EDIL3: variants seen among roughly 807,000 people sequenced by gnomAD.
EDIL3 encodes EGF like and discoidin domains 3.
In EDIL3, 37 loss-of-function variants were observed where a neutral mutation model predicts 67.4. The ratio of observed to expected loss-of-function variants is 0.55; its 90% CI spans 0.42 to 0.72. The LOEUF is 0.72. EDIL3 is among the 30% of genes least tolerant of loss of function. EDIL3 has a pLI of 0.00. For synonymous variants in EDIL3, 195 were observed against 196.3 expected, an observed-to-expected ratio of 0.99 and a Z score of 0.05; for missense variants, 527 against 586.3, an observed-to-expected ratio of 0.90 and a Z score of 1.04.
At chr5:84,372,981 A>G (rs780279542) in intron 1 of EDIL3, among the ~76,000 whole-genome samples, 1 of 152,120 alleles carries the variant, frequency 6.6e-6, no homozygotes, top group Non-Finnish European at 1.5e-5. Flanking sequence ...GATACCTTGC[A>G]GCCCTCTTAA....
chr5:84,015,986 A>C (rs572925169), intron 9 of EDIL3, among the ~76,000 whole-genome samples: 1 of 152,064 alleles, frequency 6.6e-6, no homozygotes, highest in South Asian at 2.1e-4. Context: ...TCCTCTCATC[A>C]CCCCGGTCTC....
At chr5:84,188,104 A>C (rs1743502419) in intron 3 of EDIL3, among the ~76,000 whole-genome samples, 1 of 151,882 alleles carries the variant, frequency 6.6e-6, no homozygotes, top group African/African-American at 2.4e-5. Flanking sequence ...CCTGTTGATA[A>C]ATTTTCTTCT....
intron 9 of EDIL3, among the ~76,000 whole-genome samples, 182 bp downstream of exon 9, chr5:84,060,118 C>T (rs752069815): frequency 8.5e-5 from 13 of 152,102 alleles, no homozygotes; most frequent in African/African-American, 2.7e-4. Context: ...CCAACACCAG[C>T]GTAAAAATAG....
chr5:83,951,028 G>T (rs1190320560), intron 10 of EDIL3, among the ~76,000 whole-genome samples: 1 of 151,602 alleles, frequency 6.6e-6, no homozygotes, highest in Non-Finnish European at 1.5e-5. Flanking sequence ...GACCCTGTTT[G>T]CTTCAGAGAC....
At chr5:84,252,181 T>C (rs186598346) in intron 2 of EDIL3, among the ~76,000 whole-genome samples, 3 of 152,198 alleles carry the variant, frequency 2.0e-5, no homozygotes, top group Admixed American at 1.3e-4. Context: ...AGCCCAAAAG[T>C]ATACAAGTAT....
At chr5:84,184,239 A>T (rs1012774585) in intron 3 of EDIL3, among the ~76,000 whole-genome samples, 6 of 152,350 alleles carry the variant, frequency 3.9e-5, no homozygotes, top group African/African-American at 1.4e-4. Context: ...ACTCAAGCCT[A>T]CTATGTCTTT....
chr5:84,246,563 A>C (rs556917183), intron 2 of EDIL3, among the ~76,000 whole-genome samples: 1 of 152,366 alleles, frequency 6.6e-6, no homozygotes, highest in South Asian at 2.1e-4. Flanking sequence ...TTCCCTATGA[A>C]TAAGGACATA....
At chr5:84,238,809 T>A (rs901152407) in intron 2 of EDIL3, among the ~76,000 whole-genome samples, 4 of 151,922 alleles carry the variant, frequency 2.6e-5, no homozygotes, top group Non-Finnish European at 5.9e-5. Flanking sequence ...TTCTCCTTAA[T>A]TGGGATGTCT....
intron 9 of EDIL3, among the ~76,000 whole-genome samples, chr5:84,051,096 G>C (rs1746328169): frequency 2.0e-5 from 3 of 152,110 alleles, no homozygotes; most frequent in African/African-American, 4.8e-5. Flanking sequence ...ACACAGCTGG[G>C]TACCCCTCTG....
chr5:84,080,884 C>T (rs1746953968), intron 6 of EDIL3, among the ~76,000 whole-genome samples: 1 of 152,188 alleles, frequency 6.6e-6, no homozygotes, highest in Non-Finnish European at 1.5e-5. Flanking sequence ...AACACTAGTT[C>T]TGATGCTCCA....
At chr5:84,051,539 G>T (rs1340655023) in intron 9 of EDIL3, among the ~76,000 whole-genome samples, 1 of 152,098 alleles carries the variant, frequency 6.6e-6, no homozygotes, top group Non-Finnish European at 1.5e-5. Context: ...CGAACCCATT[G>T]CAAAGAAGCT....
chr5:84,323,947 G>C (rs1561257330), intron 1 of EDIL3, among the ~76,000 whole-genome samples: 2 of 151,750 alleles, frequency 1.3e-5, no homozygotes, highest in African/African-American at 2.4e-5. Flanking sequence ...GGGAAAAATA[G>C]ACAGTTCTAC....
At chr5:84,245,531 A>G (rs896895537) in intron 2 of EDIL3, among the ~76,000 whole-genome samples, 2 of 152,176 alleles carry the variant, frequency 1.3e-5, no homozygotes, top group Admixed American at 6.5e-5. Context: ...AATCTAAAGG[A>G]AATAACAATA....
chr5:84,202,743 A>G (rs999122179), intron 3 of EDIL3, among the ~76,000 whole-genome samples: 1 of 152,184 alleles, frequency 6.6e-6, no homozygotes, highest in Admixed American at 6.5e-5. Flanking sequence ...AAAGTCTGAA[A>G]TTCAAAAGAG....
At chr5:84,206,777 C>G (rs1362796489) in intron 3 of EDIL3, among the ~76,000 whole-genome samples, 6 of 151,998 alleles carry the variant, frequency 3.9e-5, no homozygotes, top group Admixed American at 3.9e-4. Context: ...AGCATATAAA[C>G]AGAACCAAAG....
chr5:84,112,751 C>A (rs1227690414), intron 5 of EDIL3, among the ~76,000 whole-genome samples: 1 of 152,146 alleles, frequency 6.6e-6, no homozygotes, highest in Admixed American at 6.6e-5. Flanking sequence ...AGATAGAGAA[C>A]CCCTTTGTAG....
At chr5:84,239,945 T>C (rs4315905) in intron 2 of EDIL3, among the ~76,000 whole-genome samples, 122,861 of 152,116 alleles carry the variant, frequency 0.81, 49,989 homozygotes, top group East Asian at 0.95. Flanking sequence ...TATTTTGTAG[T>C]TTCTCATGAA....
intron 3 of EDIL3, among the ~76,000 whole-genome samples, chr5:84,196,648 C>A (rs541193945): frequency 9.2e-5 from 14 of 151,810 alleles, no homozygotes; most frequent in Admixed American, 8.6e-4. Context: ...ATGATGCATC[C>A]AATACATCTT....
At chr5:84,290,945 C>A (rs780666748) in intron 1 of EDIL3, among the ~76,000 whole-genome samples, 1 of 152,252 alleles carries the variant, frequency 6.6e-6, no homozygotes, top group East Asian at 1.9e-4. Flanking sequence ...TGCCACTGAA[C>A]ATTTGTGATT....
Sources: allele counts gnomAD v4.1 joint callset (sites outside exome capture counted in the v4.1 genomes callset), GRCh38; gene constraint gnomAD v4.1.1; transcripts MANE v1.5; gene names NCBI Gene and HGNC (gene_info 2026-07-23, HGNC 2026-07-21).